Variants in VAMP4 observed in about 807,000 individuals in gnomAD.
VAMP4 encodes vesicle associated membrane protein 4.
Under a neutral mutation model 23.5 loss-of-function variants are expected in VAMP4, and 19 were observed. The observed-to-expected ratio is 0.81, with a 90% CI of 0.56 to 1.19. The LOEUF is 1.19. VAMP4 is among the 50% of genes most tolerant of loss of function. The pLI is 0.00. For missense variants in VAMP4, 145 were observed against 168.6 expected, an observed-to-expected ratio of 0.86 and a Z score of 0.78; for synonymous variants, 31 against 51.0, an observed-to-expected ratio of 0.61 and a Z score of 1.67.
At chr1:171,738,501 T>C (rs1324428038) in intron 1 of VAMP4, 38 bp from the exon 2 acceptor site, 2 of 1,357,464 alleles carry the variant, frequency 1.5e-6, no homozygotes, top group African/African-American at 2.9e-5. Context: ...TTTGAGACTT[T>C]GGGGCATAAG....
At chr1:171,722,592 G>A (rs975209705) in intron 3 of VAMP4, among the ~76,000 whole-genome samples, 20 of 152,178 alleles carry the variant, frequency 1.3e-4, no homozygotes, top group South Asian at 4.1e-4. Context: ...AAAAGTGGGC[G>A]AAGGATATGA....
At chr1:171,735,712 A>C (rs932712892) in intron 2 of VAMP4, among the ~76,000 whole-genome samples, 1 of 152,210 alleles carries the variant, frequency 6.6e-6, no homozygotes, top group Non-Finnish European at 1.5e-5. Context: ...CACGCTGATC[A>C]CTGAATATTC....
chr1:171,718,342 G>T (rs1655084217), intron 4 of VAMP4, among the ~76,000 whole-genome samples: 1 of 152,094 alleles, frequency 6.6e-6, no homozygotes, highest in African/African-American at 2.4e-5. Flanking sequence ...TTAGGGTAGT[G>T]ACTATTATCC....
intron 2 of VAMP4, among the ~76,000 whole-genome samples, chr1:171,732,945 T>C (rs1478965204): frequency 6.6e-6 from 1 of 152,006 alleles, no homozygotes; most frequent in Non-Finnish European, 1.5e-5. Context: ...CTGTATTATA[T>C]AAAAAGCTTT....
At position 171,703,100 on chromosome 1, in the gene VAMP4, T is replaced by C. The variant is rs974624363; in HGVS notation, c.*1406A>G. 2 of 151,902 alleles carry C rather than the reference T, an allele frequency of 1.3e-5. No individual in the cohort carries two copies. Among genetic ancestry groups the C allele is most frequent in the Non-Finnish European group, 2.9e-5 (2 of 67,844 alleles). The allele number at this position is 151,902 out of a possible 1,614,324, so 9.4% of individuals were successfully genotyped here. A position where few individuals can be genotyped will look rare whatever the true frequency, so the allele number is the denominator to read the frequency against. ...AATAAAATAAACATAAAATCATTTT[T>C]CCCTATTTAAATACTGATAATTTCT... is the stretch of plus-strand genomic sequence containing the variant. On this transcript the variant is annotated 3_prime_UTR_variant, in exon 8 of 8. Transcript: ENST00000236192.
chr1:171,717,266 A>G (rs1432857241), intron 4 of VAMP4, among the ~76,000 whole-genome samples: 1 of 152,200 alleles, frequency 6.6e-6, no homozygotes, highest in Non-Finnish European at 1.5e-5. Flanking sequence ...AAAAGAGAAC[A>G]TGTGAGTGGA....
rs35075110 is a variant in VAMP4 at position 171,738,120 on chromosome 1, TA to T, written c.66+228del. On this transcript the variant is annotated intron_variant, in intron 2 of 7. Coordinates refer to ENST00000236192, the MANE Select transcript of VAMP4 (RefSeq NM_003762.5). Reference sequence around the variant, plus strand: ...AATAGCTGGAACCATAGGCATGTGCTACCATGCCCCATTAATTTTTTAAAAA... The same window carrying T: ...AATAGCTGGAACCATAGGCATGTGCTCCATGCCCCATTAATTTTTTAAAAA... 2.0e-3 allele frequency among the ~76,000 whole-genome samples: 298 copies of T among 152,258 alleles called. 1 individual carries two copies. Among genetic ancestry groups the T allele is most frequent in the Admixed American group, 2.2e-3 (34 of 15,298 alleles).
At chr1:171,734,607 C>G (rs758576486) in intron 2 of VAMP4, among the ~76,000 whole-genome samples, 9 of 152,062 alleles carry the variant, frequency 5.9e-5, no homozygotes, top group Non-Finnish European at 8.8e-5. Flanking sequence ...TGGTACGTGA[C>G]TTTTATCTCA....
At chr1:171,737,024 G>A (rs904880897) in intron 2 of VAMP4, among the ~76,000 whole-genome samples, 6 of 152,086 alleles carry the variant, frequency 3.9e-5, no homozygotes, top group African/African-American at 1.2e-4. Flanking sequence ...CGCAAAAGCT[G>A]TACAAAGGGT....
intron 4 of VAMP4, 87 bp from the exon 5 acceptor site, chr1:171,710,901 A>T: frequency 1.1e-6 from 1 of 924,084 alleles, no homozygotes; most frequent in Non-Finnish European, 1.6e-6. Flanking sequence ...AATAAAGAAT[A>T]GCAAATTCTC....
At chr1:171,737,977 T>C (rs942431394) in intron 2 of VAMP4, among the ~76,000 whole-genome samples, 1 of 152,170 alleles carries the variant, frequency 6.6e-6, no homozygotes, top group East Asian at 1.9e-4. Flanking sequence ...GTTATTATTA[T>C]TAGTTAATTA....
chr1:171,728,475 T>C lies in VAMP4; in HGVS notation c.113+49A>G, dbSNP rs758663119. ...ATACAGTATATTTTAGATATATGCA[T>C]GTATTGTATGTCAATTACACCCTAA... On this transcript the variant is annotated intron_variant, in intron 3 of 7. Transcript: ENST00000236192. 11 of 1,418,906 alleles carry C rather than the reference T, an allele frequency of 7.8e-6. No individual in the cohort carries two copies. The South Asian group carries it at 1.1e-4, about 14-fold the overall frequency. The allele number at this position is 1,418,906 out of a possible 1,614,324, so 87.9% of individuals were successfully genotyped here.
At position 171,703,415 on chromosome 1, in the gene VAMP4, GTGTTTGTGTGTATATATATA is replaced by G. The variant is rs1558103567; in HGVS notation, c.*1071_*1090del. The G allele has an allele frequency of 4.0e-5, 4 of 101,134 alleles. No individual in the cohort carries two copies. The highest frequency in any genetic ancestry group is 1.6e-4 in the African/African-American group (4 of 25,764). The allele number at this position is 101,134 out of a possible 1,614,324, so 6.3% of individuals were successfully genotyped here. ...TGCGTGTGTGTGTGTGTGTGTGTGT[GTGTTTGTGTGTATATATATA>G]TATATATATATATATATATATATAT... is the stretch of plus-strand genomic sequence containing the variant. On this transcript the variant is annotated 3_prime_UTR_variant, in exon 8 of 8. Transcript: ENST00000236192.
chr1:171,706,664 T>C (rs888953350), intron 6 of VAMP4, among the ~76,000 whole-genome samples: 2 of 152,132 alleles, frequency 1.3e-5, no homozygotes, highest in African/African-American at 4.8e-5. Context: ...GAGAAAAAAC[T>C]AACAGAATTC....
chr1:171,713,477 G>A (rs1435140196), intron 4 of VAMP4, among the ~76,000 whole-genome samples: 2 of 152,068 alleles, frequency 1.3e-5, no homozygotes, highest in African/African-American at 2.4e-5. Flanking sequence ...TGGTATGGCC[G>A]TAGACATTAT....
At chr1:171,738,011 T>C (rs1655796976) in intron 2 of VAMP4, among the ~76,000 whole-genome samples, 1 of 152,244 alleles carries the variant, frequency 6.6e-6, no homozygotes, top group Admixed American at 6.5e-5. Context: ...GGTCTTGCTC[T>C]GTTGCTCAGG....
intron 3 of VAMP4, among the ~76,000 whole-genome samples, chr1:171,722,307 A>G (rs1328288439): frequency 2.0e-5 from 3 of 152,232 alleles, no homozygotes; most frequent in Non-Finnish European, 4.4e-5. Context: ...AAACCCTAGA[A>G]GAAAACCTAG....
chr1:171,733,294 CAAAAAAAAAA>C (rs35176644), intron 2 of VAMP4, among the ~76,000 whole-genome samples: 7 of 58,114 alleles, frequency 1.2e-4, no homozygotes, highest in Admixed American at 2.5e-4. Flanking sequence ...CCCATCTCTA[CAAAAAAAAAA>C]AAAAAAAAAA....
In VAMP4 at chr1:171,719,167, T is replaced by C; in HGVS notation, c.164+4A>G. The C allele has an allele frequency of 6.2e-7, 1 of 1,610,966 alleles. No homozygotes were observed. The highest frequency in any genetic ancestry group is 8.5e-7 in the Non-Finnish European group (1 of 1,178,524). On this transcript the variant is annotated splice_donor_region_variant and intron_variant, in intron 4 of 7. Coordinates refer to ENST00000236192, the MANE Select transcript of VAMP4 (RefSeq NM_003762.5). ...TATCATTTAAACAAATGAACAAAAC[T>C]TACTGCTTAATTTTATCATTTCTAG...
Sources: allele counts gnomAD v4.1 joint callset (sites outside exome capture counted in the v4.1 genomes callset), GRCh38; gene constraint gnomAD v4.1.1; transcripts MANE v1.5; gene names NCBI Gene and HGNC (gene_info 2026-07-23, HGNC 2026-07-21).